GPR160: variants seen among roughly 807,000 people sequenced by gnomAD.
The protein encoded by GPR160 is probable G protein-coupled receptor 160.
GPR160 carries 2 observed loss-of-function variants against 2.6 expected under a neutral mutation model. The ratio of observed to expected loss-of-function variants is 0.77; its 90% confidence interval spans 0.32 to 2.44. GPR160 has a LOEUF of 2.44. GPR160 is among the 30% of genes most tolerant of loss of function. The pLI is 0.11. For synonymous variants in GPR160, 130 were observed against 132.2 expected, an observed-to-expected ratio of 0.98 and a Z score of 0.12; for missense variants, 351 against 383.6, an observed-to-expected ratio of 0.91 and a Z score of 0.71.
intron 2 of GPR160, among the ~76,000 whole-genome samples, chr3:170,054,759 G>A (rs1478042742): frequency 1.3e-5 from 2 of 151,320 alleles, no homozygotes; most frequent in Non-Finnish European, 2.9e-5. Context: ...AATGTCTTAC[G>A]GGTTCTTCCA....
chr3:170,085,149 AAT>A lies in GPR160; in HGVS notation c.*162_*163del, dbSNP rs1185537174. On this transcript the variant is annotated 3_prime_UTR_variant, in exon 4 of 4. Coordinates refer to ENST00000355897, the MANE Select transcript of GPR160 (RefSeq NM_014373.3). ...TGAAGGGCTATGATACCAGTTATTA[AAT>A]AGTGTTTTATTTTAAAAACAAAATA... is the stretch of plus-strand genomic sequence containing the variant. The A allele has an allele frequency of 2.8e-5, 12 of 430,904 alleles. No individual in the cohort carries two copies. The highest frequency in any genetic ancestry group is 2.5e-4 in the African/African-American group (12 of 48,714). The allele number at this position is 430,904 out of a possible 1,614,324, so 26.7% of individuals were successfully genotyped here.
In GPR160 at chr3:170,084,937, C is replaced by T; in HGVS notation, c.965C>T (p.Thr322Ile). The change falls in exon 4 of 4, where the codon ACA becomes ATA. Residue 322 changes from threonine to isoleucine, a missense_variant. Thr to Ile is a moderately conservative substitution (Grantham distance 89). Coordinates refer to ENST00000355897, the MANE Select transcript of GPR160 (RefSeq NM_014373.3). ...TGGAAGTGCTGCTTCATTCCACTTA[C>T]AATTCCTAATCTTGAGCAAATTGAA... ...VNWKCCFIPL[T>I]IPNLEQIEKP... The T allele has an allele frequency of 1.3e-6, 2 of 1,596,462 alleles. No individual in the cohort carries two copies. Among genetic ancestry groups the T allele is most frequent in the Non-Finnish European group, 1.7e-6 (2 of 1,170,196 alleles).
chr3:170,051,364 C>T (rs1015304926), intron 2 of GPR160, among the ~76,000 whole-genome samples: 6 of 152,138 alleles, frequency 3.9e-5, no homozygotes, highest in Non-Finnish European at 5.9e-5. Context: ...TGGATTATTT[C>T]TCACCATCCT....
At chr3:170,080,569 C>T (rs1220064014) in intron 3 of GPR160, among the ~76,000 whole-genome samples, 2 of 152,164 alleles carry the variant, frequency 1.3e-5, no homozygotes, top group African/African-American at 4.8e-5. Flanking sequence ...GTGGACCTTC[C>T]TCATCCCCTA....
Position 170,065,953 on chromosome 3 carries a change from C to T in GPR160, c.-192-13821C>T, listed in dbSNP as rs377707964. ...CTTTTTTTTTTAAGAGATGGGGTCT[C>T]GCTATGTTGCCCAGACTATACTCAA... On this transcript the variant is annotated intron_variant, in intron 2 of 3. Coordinates refer to ENST00000355897, the MANE Select transcript of GPR160 (RefSeq NM_014373.3). 5.9e-5 allele frequency among the ~76,000 whole-genome samples: 9 copies of T among 151,700 alleles called. 1 individual carries two copies. The highest frequency in any genetic ancestry group is 2.9e-5 in the Non-Finnish European group (2 of 67,920).
intron 2 of GPR160, among the ~76,000 whole-genome samples, chr3:170,071,341 G>A (rs1712584885): frequency 6.6e-6 from 1 of 152,140 alleles, no homozygotes; most frequent in Admixed American, 6.5e-5. Flanking sequence ...AGCATGTGGG[G>A]CCTCCCCCTT....
chr3:170,082,677 C>T (rs921293606), intron 3 of GPR160, among the ~76,000 whole-genome samples: 1 of 152,110 alleles, frequency 6.6e-6, no homozygotes, highest in Non-Finnish European at 1.5e-5. Flanking sequence ...CTCACTGCAG[C>T]CTTGACCTCC....
chr3:170,069,596 A>G (rs1019640396), intron 2 of GPR160, among the ~76,000 whole-genome samples: 1 of 152,102 alleles, frequency 6.6e-6, no homozygotes, highest in African/African-American at 2.4e-5. Context: ...CATTTTTTTT[A>G]AAGTTATGAA....
intron 3 of GPR160, 150 bp from the exon 4 acceptor site, chr3:170,083,755 T>C: frequency 2.7e-6 from 1 of 374,580 alleles, no homozygotes; most frequent in Non-Finnish European, 4.7e-6. Flanking sequence ...AATTTTGTTC[T>C]GTATTCTATT....
intron 2 of GPR160, among the ~76,000 whole-genome samples, chr3:170,048,010 G>T (rs1435910917): frequency 6.6e-6 from 1 of 151,992 alleles, no homozygotes; most frequent in Admixed American, 6.6e-5. Context: ...GGTAATTTTT[G>T]TAGCGACAGG....
intron 2 of GPR160, among the ~76,000 whole-genome samples, chr3:170,068,027 G>A (rs1159397081): frequency 2.0e-5 from 3 of 152,206 alleles, no homozygotes; most frequent in Non-Finnish European, 2.9e-5. Context: ...TTGAGATGAT[G>A]GTAGGTACAG....
intron 2 of GPR160, among the ~76,000 whole-genome samples, chr3:170,069,279 G>T (rs1712480954): frequency 6.6e-6 from 1 of 152,148 alleles, no homozygotes; most frequent in Admixed American, 6.5e-5. Flanking sequence ...CCCCATCTTT[G>T]CATCCCTTTC....
intron 2 of GPR160, among the ~76,000 whole-genome samples, chr3:170,065,996 ATCC>A (rs1418955951): frequency 6.6e-6 from 1 of 152,018 alleles, no homozygotes; most frequent in Non-Finnish European, 1.5e-5. Context: ...GGTTCAAGCA[ATCC>A]TCCTGCCTCA....
chr3:170,051,989 A>C (rs1039027633), intron 2 of GPR160, among the ~76,000 whole-genome samples: 1 of 152,048 alleles, frequency 6.6e-6, no homozygotes, highest in Non-Finnish European at 1.5e-5. Context: ...GCAGTGGCGC[A>C]TTCTCGGCTC....
chr3:170,079,765 TTCAC>T lies in GPR160; in HGVS notation c.-192-8_-192-5del, dbSNP rs1205168053. ...TGATGTTTCATTTTGTTTTCTATCTTTCACACAGAGCTTACTCACATAGCATATT... is the reference window on the plus strand; with the variant it reads ...TGATGTTTCATTTTGTTTTCTATCTTACAGAGCTTACTCACATAGCATATT... On this transcript the variant is annotated splice_polypyrimidine_tract_variant and splice_region_variant and intron_variant, in intron 2 of 3. Transcript: ENST00000355897. The T allele has an allele frequency of 1.3e-5, 2 of 152,222 alleles. No homozygotes were observed. Among genetic ancestry groups the T allele is most frequent in the African/African-American group, 4.8e-5 (2 of 41,460 alleles). 9.4% of individuals were successfully genotyped at this position (152,222 alleles called of 1,614,324 possible). A position where few individuals can be genotyped will look rare whatever the true frequency, so the allele number is the denominator to read the frequency against.
At chr3:170,073,862 A>C (rs1451982570) in intron 2 of GPR160, among the ~76,000 whole-genome samples, 2 of 148,692 alleles carry the variant, frequency 1.3e-5, no homozygotes, top group East Asian at 3.9e-4. Flanking sequence ...TAAATACAGA[A>C]TCAGTTTCTT....
chr3:170,053,819 A>G lies in GPR160; in HGVS notation c.-193+14776A>G, dbSNP rs574401520. Among the ~76,000 whole-genome samples, 4 of 152,258 alleles carry G rather than the reference A, an allele frequency of 2.6e-5. No homozygotes were observed. In the South Asian group the frequency reaches 6.2e-4, roughly 24 times the overall value. On this transcript the variant is annotated intron_variant, in intron 2 of 3. Coordinates refer to ENST00000355897, the MANE Select transcript of GPR160 (RefSeq NM_014373.3). ...ATGAATGGTTGTTGAATTTTTTCCA[A>G]AGATTTTTCTGCATCTCTCAAGATG...
intron 2 of GPR160, among the ~76,000 whole-genome samples, chr3:170,064,535 T>TTTTTTTTC (rs1219393634): frequency 2.3e-5 from 3 of 127,952 alleles, no homozygotes; most frequent in Non-Finnish European, 3.3e-5. Flanking sequence ...TTTTTTTTTT[T>TTTTTTTTC]TGAGGCAGAG....
At chr3:170,082,443 T>A (rs1243058120) in intron 3 of GPR160, among the ~76,000 whole-genome samples, 2 of 152,224 alleles carry the variant, frequency 1.3e-5, no homozygotes, top group African/African-American at 4.8e-5. Flanking sequence ...ATCTGGAATC[T>A]GAAATGCTCT....
Sources: gnomAD v4.1 joint callset for allele counts (sites outside exome capture counted in the v4.1 genomes callset) on GRCh38, gnomAD v4.1.1 for gene constraint, MANE v1.5 for transcripts, NCBI Gene and HGNC (gene_info 2026-07-23, HGNC 2026-07-21) for gene names.